The following IL1RAPL1 variants were observed in gnomAD, a reference collection of about 807,000 sequenced individuals.
IL1RAPL1 encodes the protein interleukin 1 receptor accessory protein like 1, also known as interleukin-1 receptor accessory protein-like 1.
IL1RAPL1 carries 3 observed loss-of-function variants against 48.4 expected under a neutral mutation model. The observed-to-expected ratio is 0.06, with a 90% CI of 0.03 to 0.16. IL1RAPL1 has a LOEUF of 0.16. IL1RAPL1 is among the 10% of genes least tolerant of loss of function. IL1RAPL1 has a pLI of 1.00. For synonymous variants in IL1RAPL1, 185 were observed against 187.7 expected, an observed-to-expected ratio of 0.99 and a Z score of 0.12; for missense variants, 349 against 530.6, an observed-to-expected ratio of 0.66 and a Z score of 3.36.
intron 5 of IL1RAPL1, among the ~76,000 whole-genome samples, chrX:29,477,041 C>T (rs113188647): frequency 0.071 from 7,601 of 106,357 alleles, 473 homozygotes; most frequent in African/African-American, 0.19. Context: ...CCACCGCGCC[C>T]GGCTAATTTT....
chrX:28,996,881 A>G (rs911757317), intron 2 of IL1RAPL1, among the ~76,000 whole-genome samples: 1 of 111,675 alleles, frequency 9.0e-6, no homozygotes, highest in Non-Finnish European at 1.9e-5. Flanking sequence ...GTATTTTTAA[A>G]GAAATATATA....
intron 5 of IL1RAPL1, among the ~76,000 whole-genome samples, chrX:29,588,547 T>C (rs1292217281): frequency 1.8e-5 from 2 of 112,251 alleles, no homozygotes; most frequent in Admixed American, 9.4e-5. Flanking sequence ...GATGTCATGG[T>C]TAAAAGAGGA....
At chrX:28,911,010 C>G (rs947470102) in intron 2 of IL1RAPL1, among the ~76,000 whole-genome samples, 4 of 110,928 alleles carry the variant, frequency 3.6e-5, no homozygotes, top group African/African-American at 1.3e-4. Flanking sequence ...GTACAGAATA[C>G]TAATGGGTGA....
chrX:29,932,967 A>G (rs1024040718), intron 8 of IL1RAPL1, among the ~76,000 whole-genome samples: 6 of 112,349 alleles, frequency 5.3e-5, no homozygotes, highest in Non-Finnish European at 1.1e-4. Flanking sequence ...GAATAGCAGT[A>G]TCAAAGATGT....
intron 2 of IL1RAPL1, among the ~76,000 whole-genome samples, chrX:29,149,821 C>T (rs1203172290): frequency 2.7e-5 from 3 of 111,663 alleles, no homozygotes; most frequent in Non-Finnish European, 5.6e-5. Flanking sequence ...CCTGGGGATT[C>T]GTTGATTGTG....
At chrX:29,294,391 G>A (rs186309715) in intron 3 of IL1RAPL1, among the ~76,000 whole-genome samples, 7 of 108,934 alleles carry the variant, frequency 6.4e-5, no homozygotes, top group African/African-American at 2.3e-4. Context: ...AGCCGGGCGT[G>A]GTGGTGGGTG....
At chrX:29,178,713 G>T (rs1157747671) in intron 2 of IL1RAPL1, among the ~76,000 whole-genome samples, 17 of 111,844 alleles carry the variant, frequency 1.5e-4, no homozygotes, top group African/African-American at 5.2e-4. Context: ...TTCTTCTAGG[G>T]TTTTTATGGT....
At position 29,861,430 on chromosome X, in the gene IL1RAPL1, A is replaced by G. The variant is rs762462357; in HGVS notation, c.779-56034A>G. ...GTCACAGTTGAGAACCACTGCTACA[A>G]CAGATCTAAAAGGCAGAAGCCAAGT... On this transcript the variant is annotated intron_variant, in intron 6 of 10. Coordinates refer to ENST00000378993, the MANE Select transcript of IL1RAPL1 (RefSeq NM_014271.4). Among the ~76,000 whole-genome samples, 10 of 111,893 alleles carry G rather than the reference A, an allele frequency of 8.9e-5. No individual in the cohort carries two copies. In the South Asian group the frequency reaches 1.1e-3, roughly 13 times the overall value.
At chrX:29,166,262 G>A (rs557726618) in intron 2 of IL1RAPL1, among the ~76,000 whole-genome samples, 4 of 112,335 alleles carry the variant, frequency 3.6e-5, no homozygotes, top group Admixed American at 2.8e-4. Flanking sequence ...ACAAGGAAGT[G>A]CATGTAATTA....
At chrX:29,067,602 T>G (rs977317949) in intron 2 of IL1RAPL1, among the ~76,000 whole-genome samples, 3 of 112,006 alleles carry the variant, frequency 2.7e-5, no homozygotes, top group Non-Finnish European at 5.6e-5. Context: ...TTATGTAATT[T>G]TCCTCTCTTT....
At chrX:29,813,697 G>A (rs768647705) in intron 6 of IL1RAPL1, among the ~76,000 whole-genome samples, 12 of 111,079 alleles carry the variant, frequency 1.1e-4, no homozygotes, top group Non-Finnish European at 2.1e-4. Flanking sequence ...CCCAGGTAGT[G>A]AGCATAGTAC....
intron 2 of IL1RAPL1, among the ~76,000 whole-genome samples, chrX:28,997,005 C>A (rs1241085458): frequency 2.7e-5 from 3 of 111,482 alleles, no homozygotes; most frequent in African/African-American, 9.8e-5. Context: ...TCAACCACCC[C>A]ATGGTTTCAG....
At chrX:29,917,348 T>G in intron 6 of IL1RAPL1, 116 bp from the exon 7 acceptor site, 2 of 682,635 alleles carry the variant, frequency 2.9e-6, no homozygotes, top group South Asian at 5.4e-5. Flanking sequence ...AATTATTCTT[T>G]TAGAAAGATA....
At chrX:28,676,490 T>C (rs961018428) in intron 1 of IL1RAPL1, among the ~76,000 whole-genome samples, 1 of 111,867 alleles carries the variant, frequency 8.9e-6, no homozygotes, top group Non-Finnish European at 1.9e-5. Context: ...CCCAGCACTT[T>C]GGGAGGCTGA....
rs189833541 is a variant in IL1RAPL1 at position 29,743,731 on chromosome X, C to T, written c.778+75227C>T. 5.0e-4 allele frequency among the ~76,000 whole-genome samples: 56 copies of T among 112,112 alleles called. 1 individual carries two copies. The Admixed American group carries it at 5.0e-3, about 10-fold the overall frequency. On this transcript the variant is annotated intron_variant, in intron 6 of 10. Coordinates refer to ENST00000378993, the MANE Select transcript of IL1RAPL1 (RefSeq NM_014271.4). ...ATCTCCTGACCTCGTGATCTGTCTG[C>T]CTTGGCCTCCCAAAGTGCTAGGATT... is the stretch of plus-strand genomic sequence containing the variant.
At chrX:29,766,210 C>T (rs1456244257) in intron 6 of IL1RAPL1, among the ~76,000 whole-genome samples, 1 of 102,690 alleles carries the variant, frequency 9.7e-6, no homozygotes, top group African/African-American at 3.6e-5. Flanking sequence ...CACCTGTAAT[C>T]CCAGCTACTC....
intron 5 of IL1RAPL1, among the ~76,000 whole-genome samples, chrX:29,423,524 A>G (rs1287542341): frequency 2.7e-5 from 3 of 112,289 alleles, no homozygotes; most frequent in African/African-American, 6.5e-5. Flanking sequence ...CAACGCCAGA[A>G]TAGTTTGTCA....
chrX:29,647,310 C>G (rs1925362815), intron 5 of IL1RAPL1, among the ~76,000 whole-genome samples: 2 of 104,158 alleles, frequency 1.9e-5, no homozygotes, highest in African/African-American at 7.1e-5. Context: ...GATCATGCCA[C>G]TGCACTCCAG....
intron 2 of IL1RAPL1, among the ~76,000 whole-genome samples, chrX:29,085,086 T>C (rs374182037): frequency 1.4e-4 from 16 of 112,156 alleles, no homozygotes; most frequent in South Asian, 7.3e-4. Context: ...AGGTTAACTT[T>C]AGTGGTGATC....
Sources: gnomAD v4.1 joint callset for allele counts (sites outside exome capture counted in the v4.1 genomes callset) on GRCh38, gnomAD v4.1.1 for gene constraint, MANE v1.5 for transcripts, NCBI Gene and HGNC (gene_info 2026-07-23, HGNC 2026-07-21) for gene names.